The following SLC39A11 variants were observed in gnomAD, a reference collection of about 807,000 sequenced individuals.
SLC39A11 encodes solute carrier family 39 member 11, also known as zinc transporter ZIP11.
In SLC39A11, 33 loss-of-function variants were observed where a neutral mutation model predicts 36.1. The ratio of observed to expected loss-of-function variants is 0.91; its 90% CI spans 0.69 to 1.22. SLC39A11 has a LOEUF of 1.22. Ranked by LOEUF, SLC39A11 falls within the 50% of genes most tolerant of loss-of-function variation. The pLI, the probability that SLC39A11 is intolerant of heterozygous loss-of-function variation, is 0.00. For missense variants in SLC39A11, 432 were observed against 430.3 expected (o/e 1.00, Z -0.03); for synonymous variants, 166 against 170.3 (o/e 0.97, Z 0.20).
At chr17:72,813,482 T>C (rs116156719) in intron 6 of SLC39A11, among the ~76,000 whole-genome samples, 84 of 152,348 alleles carry the variant, frequency 5.5e-4, no homozygotes, top group African/African-American at 1.9e-3. Flanking sequence ...TAAAATACCA[T>C]GGTTCTTTAT....
intron 5 of SLC39A11, among the ~76,000 whole-genome samples, chr17:72,946,492 G>A (rs61209858): frequency 0.043 from 6,552 of 152,262 alleles, 446 homozygotes; most frequent in African/African-American, 0.15. Flanking sequence ...TTAGCATAGA[G>A]ATGGCAAAAA....
chr17:73,030,960 A>G (rs991392954), intron 4 of SLC39A11, among the ~76,000 whole-genome samples: 1 of 152,222 alleles, frequency 6.6e-6, no homozygotes, highest in Non-Finnish European at 1.5e-5. Context: ...TCTCTGGCTT[A>G]TCCCCAATTC....
chr17:72,738,534 C>T (rs1320352235), intron 6 of SLC39A11, among the ~76,000 whole-genome samples: 4 of 152,062 alleles, frequency 2.6e-5, no homozygotes, highest in Non-Finnish European at 5.9e-5. Flanking sequence ...TGCTGGTCTG[C>T]GTGTATCTGA....
intron 4 of SLC39A11, among the ~76,000 whole-genome samples, chr17:72,985,407 C>CTTTTTTTTTTTTT (rs386386576): frequency 2.5e-5 from 2 of 78,928 alleles, no homozygotes; most frequent in Non-Finnish European, 4.7e-5. Context: ...TGGGGCCTGC[C>CTTTTTTTTTTTTT]TTTTTTTTTT....
intron 1 of SLC39A11, among the ~76,000 whole-genome samples, chr17:73,090,399 G>GA (rs561826649): frequency 1.6e-4 from 24 of 149,804 alleles, no homozygotes; most frequent in South Asian, 2.1e-4. Flanking sequence ...GCCAATTAAA[G>GA]AAAAAAAAAA....
intron 6 of SLC39A11, among the ~76,000 whole-genome samples, chr17:72,848,247 G>A (rs962042948): frequency 1.3e-5 from 2 of 152,212 alleles, no homozygotes; most frequent in Non-Finnish European, 2.9e-5. Context: ...TAGGAAGTGA[G>A]AGAGTTGGAA....
chr17:72,980,446 C>T (rs368070357), intron 4 of SLC39A11, among the ~76,000 whole-genome samples: 28 of 152,230 alleles, frequency 1.8e-4, no homozygotes, highest in African/African-American at 5.3e-4. Context: ...TAGGCAGAAA[C>T]GCTCATCGTC....
chr17:72,754,852 C>T lies in SLC39A11; in HGVS notation c.602-18133G>A, dbSNP rs150171309. On this transcript the variant is annotated intron_variant, in intron 6 of 9. Transcript: ENST00000255559. ...GTGAGCAAAAGGGAGTGTGCACATG[C>T]AAGCATGCCCGTGTGAGTGTGCATG... 8.9e-4 allele frequency among the ~76,000 whole-genome samples: 135 copies of T among 152,344 alleles called. 1 individual carries two copies. In the East Asian group the frequency reaches 0.024, roughly 27 times the overall value.
intron 5 of SLC39A11, among the ~76,000 whole-genome samples, chr17:72,861,657 T>TTATATATA (rs373265286): frequency 0.031 from 1,560 of 50,762 alleles, 44 homozygotes; most frequent in African/African-American, 0.044. Context: ...ATACAACACA[T>TTATATATA]TATATATATA....
intron 5 of SLC39A11, among the ~76,000 whole-genome samples, chr17:72,885,052 T>C (rs576750203): frequency 6.6e-6 from 1 of 152,214 alleles, no homozygotes; most frequent in Non-Finnish European, 1.5e-5. Context: ...GTTTCTAGAG[T>C]ACCATCAAAA....
At chr17:72,948,733 G>A (rs1484523891) in intron 4 of SLC39A11, among the ~76,000 whole-genome samples, 1 of 152,200 alleles carries the variant, frequency 6.6e-6, no homozygotes, top group Non-Finnish European at 1.5e-5. Context: ...CATTAACCAG[G>A]CAAAATCGTG....
intron 4 of SLC39A11, among the ~76,000 whole-genome samples, chr17:72,951,789 T>C (rs1465028666): frequency 6.6e-6 from 1 of 152,106 alleles, no homozygotes; most frequent in African/African-American, 2.4e-5. Flanking sequence ...AAAGACAGTG[T>C]TCCTTTAGGG....
At chr17:72,796,512 C>T (rs1337114558) in intron 6 of SLC39A11, among the ~76,000 whole-genome samples, 1 of 152,138 alleles carries the variant, frequency 6.6e-6, no homozygotes, top group East Asian at 1.9e-4. Context: ...TGAGCTTGGC[C>T]CCTGCAGGCA....
At chr17:72,997,142 T>C (rs867255219) in intron 4 of SLC39A11, among the ~76,000 whole-genome samples, 3 of 152,136 alleles carry the variant, frequency 2.0e-5, no homozygotes, top group Admixed American at 6.5e-5. Flanking sequence ...TCTAGTTGTA[T>C]ACCGCTGAGA....
chr17:73,011,820 C>T (rs1568121707), intron 4 of SLC39A11, among the ~76,000 whole-genome samples: 2 of 151,126 alleles, frequency 1.3e-5, no homozygotes. Context: ...CACCACCATG[C>T]CCGGCTAGTT....
Position 72,907,292 on chromosome 17 carries a change from C to T in SLC39A11, c.430+40460G>A, listed in dbSNP as rs146615219. Among the ~76,000 whole-genome samples, 648 of 152,270 alleles carry T rather than the reference C, an allele frequency of 4.3e-3. 5 individuals are homozygous for T. Among genetic ancestry groups the T allele is most frequent in the African/African-American group, 0.015 (616 of 41,552 alleles). On this transcript the variant is annotated intron_variant, in intron 5 of 9. Coordinates refer to ENST00000255559, the MANE Select transcript of SLC39A11 (RefSeq NM_139177.4). ...ATCATTTGAGCTCAGGAGTTCGAGA[C>T]CAGCCTGGCCAACATGATGAAACCC...
chr17:72,975,043 A>T (rs985056174), intron 4 of SLC39A11, among the ~76,000 whole-genome samples: 1 of 152,226 alleles, frequency 6.6e-6, no homozygotes, highest in Non-Finnish European at 1.5e-5. Flanking sequence ...ATGTTTGAAC[A>T]ATGAGACATT....
rs57105586 is a variant in SLC39A11, at chr17:72,894,360, CAAAAAAAAA to C, written c.431-44565_431-44557del. Among the ~76,000 whole-genome samples, 4 of 29,684 alleles carry C rather than the reference CAAAAAAAAA, an allele frequency of 1.3e-4. No homozygotes were observed. In the East Asian group the frequency reaches 4.8e-3, roughly 36 times the overall value. The allele number at this position is 29,684 out of a possible 152,430, so 19.5% of individuals were successfully genotyped here. A position where few individuals can be genotyped will look rare whatever the true frequency, so the allele number is the denominator to read the frequency against. On this transcript the variant is annotated intron_variant, in intron 5 of 9. Transcript: ENST00000255559. The stretch of plus-strand genomic sequence containing the variant: ...CTGGCAACAGAGTGAGACTCTGTCT[CAAAAAAAAA>C]AAAAAAAAAAAAAAAAAAGGCCAGG...
At chr17:72,792,500 C>A (rs2714016) in intron 6 of SLC39A11, among the ~76,000 whole-genome samples, 92,187 of 152,004 alleles carry the variant, frequency 0.61, 28,807 homozygotes, top group Non-Finnish European at 0.7. Flanking sequence ...TGTGAGGCTC[C>A]AAGGTGTCAA....
Sources: allele counts gnomAD v4.1 joint callset (sites outside exome capture counted in the v4.1 genomes callset), GRCh38; gene constraint gnomAD v4.1.1; transcripts MANE v1.5; gene names NCBI Gene and HGNC (gene_info 2026-07-23, HGNC 2026-07-21).